The following TYW1B variants were observed in gnomAD, a reference collection of about 807,000 sequenced individuals.
TYW1B encodes S-adenosyl-L-methionine-dependent tRNA 4-demethylwyosine synthase TYW1B.
In TYW1B, 73 loss-of-function variants were observed where a neutral mutation model predicts 86.9. The observed-to-expected ratio is 0.84, with a 90% CI of 0.70 to 1.02. TYW1B has a LOEUF of 1.02. Among genes scored for constraint, TYW1B ranks in the 50% least tolerant of loss-of-function variants. The probability of loss-of-function intolerance (pLI) is 0.00; values close to 1 mark genes in which losing one functional copy is unlikely to be tolerated. For synonymous variants in TYW1B, 248 were observed against 292.8 expected, an observed-to-expected ratio of 0.85 and a Z score of 1.56; for missense variants, 637 against 827.4, an observed-to-expected ratio of 0.77 and a Z score of 2.82.
intron 9 of TYW1B, among the ~76,000 whole-genome samples, chr7:72,719,368 C>G (rs1321900663): frequency 6.6e-6 from 1 of 151,596 alleles, no homozygotes; most frequent in Non-Finnish European, 1.5e-5. Flanking sequence ...TGGTGGCTCA[C>G]GCCTGTAATC....
In TYW1B at chr7:72,628,885, A is replaced by C. The variant is rs1812416449; in HGVS notation, c.1617+2T>G. 5.1e-6 allele frequency: 8 copies of C among 1,582,400 alleles called. No homozygotes were observed. Among genetic ancestry groups the C allele is most frequent in the African/African-American group, 1.4e-5 (1 of 73,486 alleles). ...CGGCCACCAGAGTCAGCAGGGGCTT[A>C]CCTTCACTTCGATGAAGTCAGGATT... On this transcript the variant is annotated splice_donor_variant, in intron 12 of 13. Transcript: ENST00000620995. LOFTEE classifies it high-confidence loss of function.
At chr7:72,751,317 C>T (rs1162128012) in intron 7 of TYW1B, among the ~76,000 whole-genome samples, 1 of 152,140 alleles carries the variant, frequency 6.6e-6, no homozygotes, top group Non-Finnish European at 1.5e-5. Context: ...GGACTACATG[C>T]GTGAGCCATC....
chr7:72,713,419 G>A lies in TYW1B; in HGVS notation c.1370+202C>T. 1.3e-5 allele frequency among the ~76,000 whole-genome samples: 2 copies of A among 150,798 alleles called. 1 individual carries two copies. Among genetic ancestry groups the A allele is most frequent in the Non-Finnish European group, 2.9e-5 (2 of 67,890 alleles). ...TTTCAATTCCCCTAGCGACATATCT[G>A]TGCCTCTAGTCTTTTTACTAATGTT... On this transcript the variant is annotated intron_variant, in intron 10 of 13. Coordinates refer to ENST00000620995, the MANE Select transcript of TYW1B (RefSeq NM_001145440.3).
At chr7:72,780,167 G>A (rs1330405438) in intron 6 of TYW1B, among the ~76,000 whole-genome samples, 3 of 152,084 alleles carry the variant, frequency 2.0e-5, no homozygotes, top group East Asian at 3.8e-4. Flanking sequence ...ATGAGGTCTC[G>A]CTATGTCGCC....
At chr7:72,774,731 AAAATAAAT>A (rs1333125404) in intron 7 of TYW1B, among the ~76,000 whole-genome samples, 2 of 152,202 alleles carry the variant, frequency 1.3e-5, no homozygotes, top group African/African-American at 4.8e-5. Context: ...ACTCCGTCTC[AAAATAAAT>A]AAATAAATAA....
chr7:72,592,160 TAAAAA>T lies in TYW1B; in HGVS notation c.1786-16446_1786-16442del, dbSNP rs56146824. On this transcript the variant is annotated intron_variant, in intron 13 of 13. Coordinates refer to ENST00000620995, the MANE Select transcript of TYW1B (RefSeq NM_001145440.3). ...TTTCTATGTTAACACACTAATGTGT[TAAAAA>T]AAAAAAAAAAAAAAAAAAAAGACAA... is the stretch of plus-strand genomic sequence containing the variant. Among the ~76,000 whole-genome samples the T allele has an allele frequency of 8.5e-3, 879 of 103,374 alleles. 8 individuals are homozygous for T. The highest frequency in any genetic ancestry group is 0.031 in the African/African-American group (750 of 24,260). The allele number at this position is 103,374 out of a possible 152,430, so 67.8% of individuals were successfully genotyped here.
intron 6 of TYW1B, among the ~76,000 whole-genome samples, chr7:72,781,890 C>T (rs1788055861): frequency 6.6e-6 from 1 of 152,206 alleles, no homozygotes; most frequent in South Asian, 2.1e-4. Context: ...AATGAATACA[C>T]AAAACATTCT....
chr7:72,662,787 G>C (rs1813365960), intron 11 of TYW1B, among the ~76,000 whole-genome samples: 1 of 152,042 alleles, frequency 6.6e-6, no homozygotes, highest in Admixed American at 6.6e-5. Context: ...GTTTCTTATG[G>C]ACCCACATCA....
intron 9 of TYW1B, among the ~76,000 whole-genome samples, chr7:72,727,106 T>C (rs1202415133): frequency 6.6e-6 from 1 of 152,030 alleles, no homozygotes; most frequent in East Asian, 1.9e-4. Flanking sequence ...CAAGATGAGA[T>C]TTGGGTGAGG....
chr7:72,594,341 TAA>T (rs58495459), intron 13 of TYW1B, among the ~76,000 whole-genome samples: 25 of 140,780 alleles, frequency 1.8e-4, no homozygotes, highest in East Asian at 4.1e-4. Context: ...AATTCTGCAT[TAA>T]AAAAAAAAAA....
intron 8 of TYW1B, among the ~76,000 whole-genome samples, 188 bp downstream of exon 8, chr7:72,744,296 C>T (rs1414908134): frequency 2.0e-5 from 3 of 152,086 alleles, no homozygotes; most frequent in Non-Finnish European, 4.4e-5. Flanking sequence ...TCCAGCAATT[C>T]CTCACAGTGT....
At chr7:72,611,977 T>C (rs1271646200) in intron 13 of TYW1B, among the ~76,000 whole-genome samples, 2 of 152,098 alleles carry the variant, frequency 1.3e-5, no homozygotes, top group East Asian at 3.9e-4. Flanking sequence ...TTCTAAGTTC[T>C]TTCTTTCTTC....
At chr7:72,636,157 A>G (rs1303192144) in intron 11 of TYW1B, among the ~76,000 whole-genome samples, 1 of 152,208 alleles carries the variant, frequency 6.6e-6, no homozygotes, top group Non-Finnish European at 1.5e-5. Flanking sequence ...ACATATTTCC[A>G]TAGATTTATT....
At chr7:72,748,361 A>G (rs1554464264) in intron 7 of TYW1B, among the ~76,000 whole-genome samples, 1 of 152,136 alleles carries the variant, frequency 6.6e-6, no homozygotes, top group Non-Finnish European at 1.5e-5. Flanking sequence ...TTTATTTGTC[A>G]TTTCCTTGAG....
At chr7:72,817,583 G>C (rs1788747757) in intron 2 of TYW1B, among the ~76,000 whole-genome samples, 2 of 152,088 alleles carry the variant, frequency 1.3e-5, no homozygotes, top group Non-Finnish European at 1.5e-5. Context: ...CTCATGAGTG[G>C]CTTTGTTACC....
chr7:72,681,946 C>T (rs560540370), intron 11 of TYW1B, among the ~76,000 whole-genome samples: 53 of 151,740 alleles, frequency 3.5e-4, no homozygotes, highest in South Asian at 2.9e-3. Context: ...GACGCAATCT[C>T]GGCTCACTGC....
intron 13 of TYW1B, among the ~76,000 whole-genome samples, chr7:72,599,422 C>T (rs1352707589): frequency 7.9e-5 from 12 of 152,040 alleles, no homozygotes; most frequent in South Asian, 2.1e-4. Flanking sequence ...AAAAGCCTTC[C>T]GCTAAGATCA....
At chr7:72,628,819 C>T in intron 12 of TYW1B, 68 bp downstream of exon 12, 6 of 1,346,314 alleles carry the variant, frequency 4.5e-6, no homozygotes, top group Middle Eastern at 1.8e-4. Context: ...TTTAACTCCA[C>T]GATGGCCAAC....
intron 11 of TYW1B, among the ~76,000 whole-genome samples, chr7:72,664,686 C>T (rs1813419549): frequency 6.6e-6 from 1 of 151,998 alleles, no homozygotes. Flanking sequence ...ATAATCTGTA[C>T]AACGAATTCC....
Sources: allele counts gnomAD v4.1 joint callset (sites outside exome capture counted in the v4.1 genomes callset), GRCh38; gene constraint gnomAD v4.1.1; transcripts MANE v1.5; gene names NCBI Gene and HGNC (gene_info 2026-07-23, HGNC 2026-07-21).